Variants in SDC1 observed in about 807,000 individuals in gnomAD.
SDC1 encodes the protein syndecan-1.
SDC1 carries 14 observed loss-of-function variants against 29.7 expected under a neutral mutation model. That is an observed-to-expected ratio of 0.47 (90% CI 0.31 to 0.74). The LOEUF is 0.74. Ranked by LOEUF, SDC1 falls within the 30% of genes least tolerant of loss-of-function variation. The pLI is 0.05. For synonymous variants in SDC1, 204 were observed against 175.5 expected, an observed-to-expected ratio of 1.16 and a Z score of -1.29; for missense variants, 406 against 400.3, an observed-to-expected ratio of 1.01 and a Z score of -0.12.
chr2:20,213,718 C>A (rs1677543947), intron 1 of SDC1, among the ~76,000 whole-genome samples: 1 of 152,200 alleles, frequency 6.6e-6, no homozygotes, highest in Non-Finnish European at 1.5e-5. Flanking sequence ...CCCACCAGGT[C>A]CCCTGGAATG....
intron 1 of SDC1, chr2:20,223,080 AC>A: frequency 2.6e-6 from 1 of 384,442 alleles, no homozygotes; most frequent in South Asian, 2.1e-5. Context: ...AGTGCATGAG[AC>A]CCAGCTCGGA....
intron 1 of SDC1, among the ~76,000 whole-genome samples, chr2:20,213,506 T>G (rs1036466275): frequency 2.0e-5 from 3 of 152,212 alleles, no homozygotes; most frequent in African/African-American, 7.2e-5. Context: ...AGGGGAGTCA[T>G]GGCTTAGGCA....
chr2:20,211,643 T>G (rs1572467178), intron 1 of SDC1, among the ~76,000 whole-genome samples: 1 of 152,208 alleles, frequency 6.6e-6, no homozygotes, highest in Admixed American at 6.5e-5. Flanking sequence ...CCAGCAGGGC[T>G]GAGCAGAAGA....
At position 20,223,774 on chromosome 2, in the gene SDC1, G is replaced by A. The variant is rs541757109; in HGVS notation, c.66+1028C>T. On this transcript the variant is annotated intron_variant, in intron 1 of 4. Transcript: ENST00000254351. ...CCCCCATTGGGGAAGGCGGGCTAGC[G>A]GCCGGTGGCCGGGGCGGGAGAGCCA... 5.6e-4 allele frequency among the ~76,000 whole-genome samples: 86 copies of A among 152,348 alleles called. 1 individual carries two copies. Among genetic ancestry groups the A allele is most frequent in the African/African-American group, 2.0e-3 (83 of 41,592 alleles).
intron 1 of SDC1, among the ~76,000 whole-genome samples, chr2:20,222,108 C>G (rs201949590): frequency 0.01 from 1,433 of 138,284 alleles, 11 homozygotes; most frequent in Non-Finnish European, 0.018. Context: ...CACACACACA[C>G]ACAGAGAGAA....
At chr2:20,212,846 G>A (rs1677513080) in intron 1 of SDC1, among the ~76,000 whole-genome samples, 1 of 152,104 alleles carries the variant, frequency 6.6e-6, no homozygotes, top group Non-Finnish European at 1.5e-5. Flanking sequence ...GCCACTTGGA[G>A]ACGGACCCCT....
At chr2:20,219,048 G>C (rs889248182) in intron 1 of SDC1, among the ~76,000 whole-genome samples, 1 of 152,190 alleles carries the variant, frequency 6.6e-6, no homozygotes, top group African/African-American at 2.4e-5. Flanking sequence ...AGCGCAGCAG[G>C]AGAGGTCGCT....
intron 1 of SDC1, among the ~76,000 whole-genome samples, chr2:20,211,686 G>A (rs929284201): frequency 4.1e-4 from 62 of 152,256 alleles, no homozygotes; most frequent in Non-Finnish European, 4.6e-4. Context: ...GGTGGGCTCC[G>A]GGGACGAAGG....
Position 20,202,334 on chromosome 2 carries a change from C to A in SDC1, c.*432G>T, listed in dbSNP as rs769116277. 2.1e-5 allele frequency: 16 copies of A among 773,022 alleles called. No individual in the cohort carries two copies. The highest frequency in any genetic ancestry group is 4.1e-5 in the South Asian group (3 of 73,076). The allele number at this position is 773,022 out of a possible 1,614,324, so 47.9% of individuals were successfully genotyped here. On this transcript the variant is annotated 3_prime_UTR_variant, in exon 5 of 5. Coordinates refer to ENST00000254351, the MANE Select transcript of SDC1 (RefSeq NM_002997.5). Reference sequence around the variant, plus strand: ...CCCCTGCCACTCAGCGGCCACCCCCCCAAGATGCTTGGTCCTACCAGTAAG... The same window carrying A: ...CCCCTGCCACTCAGCGGCCACCCCCACAAGATGCTTGGTCCTACCAGTAAG...
At chr2:20,208,107 TC>T (rs2148286124) in intron 1 of SDC1, 1 of 985,372 alleles carries the variant, frequency 1.0e-6, no homozygotes, top group African/African-American at 1.7e-5. Context: ...AACCATTGGA[TC>T]CATGCTCCAT....
intron 2 of SDC1, among the ~76,000 whole-genome samples, chr2:20,204,576 GGGGT>G (rs1327708519): frequency 6.6e-6 from 1 of 152,042 alleles, no homozygotes; most frequent in Admixed American, 6.5e-5. Flanking sequence ...CCACAGGGGT[GGGGT>G]GGGCATCCCT....
chr2:20,207,922 C>T (rs1318441162), intron 1 of SDC1: 1 of 982,664 alleles, frequency 1.0e-6, no homozygotes, highest in Non-Finnish European at 1.2e-6. Flanking sequence ...CCCACCCATA[C>T]TCACTGGGAT....
chr2:20,201,285 T>G lies in SDC1; in HGVS notation c.*1481A>C, dbSNP rs1027606495. On this transcript the variant is annotated 3_prime_UTR_variant, in exon 5 of 5. Transcript: ENST00000254351. ...AATTGACATCAGCCTTATAAAACCT[T>G]GGCTGAACCTACCGACCTCCAGGAG... 5 of 152,194 alleles carry G rather than the reference T, an allele frequency of 3.3e-5. No individual in the cohort carries two copies. The highest frequency in any genetic ancestry group is 7.3e-5 in the Non-Finnish European group (5 of 68,048). 9.4% of individuals were successfully genotyped at this position (152,194 alleles called of 1,614,324 possible).
chr2:20,214,383 G>A (rs1206076192), intron 1 of SDC1, among the ~76,000 whole-genome samples: 1 of 152,160 alleles, frequency 6.6e-6, no homozygotes, highest in Non-Finnish European at 1.5e-5. Flanking sequence ...CCCAGGGGAG[G>A]GTGGGGCTGG....
At chr2:20,208,002 C>T (rs1292733846) in intron 1 of SDC1, 10 of 985,352 alleles carry the variant, frequency 1.0e-5, no homozygotes, top group African/African-American at 1.7e-5. Context: ...CAAGAGAAAG[C>T]TCAAGATGGG....
chr2:20,223,858 A>G (rs1354185212), intron 1 of SDC1, among the ~76,000 whole-genome samples: 1 of 152,184 alleles, frequency 6.6e-6, no homozygotes, highest in Non-Finnish European at 1.5e-5. Flanking sequence ...GTGGAGCGTC[A>G]GCCCCGCTGA....
chr2:20,202,473 GGCT>G lies in SDC1; in HGVS notation c.*290_*292del. On this transcript the variant is annotated 3_prime_UTR_variant, in exon 5 of 5. Coordinates refer to ENST00000254351, the MANE Select transcript of SDC1 (RefSeq NM_002997.5). ...CCCTCCAGAGCTGGACCTGGGGAGA[GGCT>G]GCTTCAGTTTGGAGAAACCGAGTCA... 5.1e-6 allele frequency: 3 copies of G among 593,758 alleles called. No individual in the cohort carries two copies. Among genetic ancestry groups the G allele is most frequent in the Non-Finnish European group, 9.0e-6 (3 of 333,852 alleles). 36.8% of individuals were successfully genotyped at this position (593,758 alleles called of 1,614,324 possible).
At chr2:20,208,310 T>C (rs1677347144) in intron 1 of SDC1, among the ~76,000 whole-genome samples, 1 of 152,174 alleles carries the variant, frequency 6.6e-6, no homozygotes, top group Admixed American at 6.5e-5. Context: ...AACAATTTGT[T>C]CCCTCAGTTC....
rs114379963 is a variant in SDC1 at position 20,208,177 on chromosome 2, A to G, written c.67-2753T>C. 4.0e-3 allele frequency: 3,784 copies of G among 952,636 alleles called. 120 individuals carry two copies. The African/African-American group carries it at 0.062, about 16-fold the overall frequency. The allele number at this position is 952,636 out of a possible 1,614,324, so 59.0% of individuals were successfully genotyped here. A position where few individuals can be genotyped will look rare whatever the true frequency, so the allele number is the denominator to read the frequency against. On this transcript the variant is annotated intron_variant, in intron 1 of 4. Coordinates refer to ENST00000254351, the MANE Select transcript of SDC1 (RefSeq NM_002997.5). ...ACACACACACTGGGGCCCATGTACAACCTGGGAGACACCGCCCAGTGAGAC... is the reference window on the plus strand; with the variant it reads ...ACACACACACTGGGGCCCATGTACAGCCTGGGAGACACCGCCCAGTGAGAC...
Sources: allele counts gnomAD v4.1 joint callset (sites outside exome capture counted in the v4.1 genomes callset), GRCh38; gene constraint gnomAD v4.1.1; transcripts MANE v1.5; gene names NCBI Gene and HGNC (gene_info 2026-07-23, HGNC 2026-07-21).